The following LAMA4 variants were observed in gnomAD, a reference collection of about 807,000 sequenced individuals.
LAMA4 encodes the protein laminin subunit alpha 4, also known as laminin subunit alpha-4.
Under a neutral mutation model 207.1 loss-of-function variants are expected in LAMA4, and 127 were observed. The observed-to-expected ratio is 0.61, with a 90% CI of 0.53 to 0.71. The LOEUF (loss-of-function observed/expected upper bound fraction) is 0.71, where lower values mean the gene tolerates loss of function less well. LAMA4 is among the 30% of genes least tolerant of loss of function. The probability of loss-of-function intolerance (pLI) is 0.00; values close to 1 mark genes in which losing one functional copy is unlikely to be tolerated. For missense variants in LAMA4, 2,093 were observed against 2,246.5 expected, an observed-to-expected ratio of 0.93 and a Z score of 1.38; for synonymous variants, 761 against 816.0, an observed-to-expected ratio of 0.93 and a Z score of 1.15.
At chr6:112,204,032 T>G (rs1783913218) in intron 4 of LAMA4, among the ~76,000 whole-genome samples, 2 of 152,196 alleles carry the variant, frequency 1.3e-5, no homozygotes, top group African/African-American at 4.8e-5. Flanking sequence ...AACTTTTGAC[T>G]TCATTTCTTA....
At chr6:112,212,556 A>C (rs1218189023) in intron 3 of LAMA4, among the ~76,000 whole-genome samples, 3 of 152,170 alleles carry the variant, frequency 2.0e-5, no homozygotes, top group African/African-American at 7.2e-5. Flanking sequence ...TGATGGGCAC[A>C]CAGCAACAGG....
intron 38 of LAMA4, 143 bp from the exon 39 acceptor site, chr6:112,109,725 C>A: frequency 2.3e-6 from 2 of 867,086 alleles, no homozygotes; most frequent in Non-Finnish European, 3.6e-6. Flanking sequence ...ATAATTGACT[C>A]ATTTCTCAGT....
rs73541494 is a variant in LAMA4 at position 112,117,126 on chromosome 6, C to A, written c.4981+613G>T. Among the ~76,000 whole-genome samples, 8,023 of 152,108 alleles carry A rather than the reference C, an allele frequency of 0.053. 688 individuals are homozygous for A. Among genetic ancestry groups the A allele is most frequent in the African/African-American group, 0.18 (7,551 of 41,448 alleles). On this transcript the variant is annotated intron_variant, in intron 35 of 38. Coordinates refer to ENST00000230538, the MANE Select transcript of LAMA4 (RefSeq NM_001105206.3). This position sits in a 1 kb window ranked among gnomAD's most constrained non-coding sequence, Gnocchi z 4.5. ...ATTCTGGTGTCTTCCTCACACCCAG[C>A]GATTGCTCCATAGAATATTCTTGGA...
intron 9 of LAMA4, among the ~76,000 whole-genome samples, chr6:112,182,530 G>A (rs560527695): frequency 2.0e-5 from 3 of 152,332 alleles, no homozygotes; most frequent in African/African-American, 7.2e-5. Context: ...CCAGAGATGA[G>A]GTTCAGATGC....
At position 112,115,733 on chromosome 6, in the gene LAMA4, A is replaced by G. The variant is rs587745053; in HGVS notation, c.5112+130T>C. On this transcript the variant is annotated intron_variant, in intron 36 of 38. Coordinates refer to ENST00000230538, the MANE Select transcript of LAMA4 (RefSeq NM_001105206.3). Reference sequence around the variant, plus strand: ...CAAATATTGCCCACATTTACATTTCATGTTATAGCTTTCCTATATTTCTTT... The same window carrying G: ...CAAATATTGCCCACATTTACATTTCGTGTTATAGCTTTCCTATATTTCTTT... 4 of 1,014,356 alleles carry G rather than the reference A, an allele frequency of 3.9e-6. No individual in the cohort carries two copies. In the African/African-American group the frequency reaches 6.4e-5, roughly 16 times the overall value. The allele number at this position is 1,014,356 out of a possible 1,614,324, so 62.8% of individuals were successfully genotyped here. A position where few individuals can be genotyped will look rare whatever the true frequency, so the allele number is the denominator to read the frequency against.
chr6:112,218,595 G>A (rs782711482), intron 2 of LAMA4: 1 of 152,202 alleles, frequency 6.6e-6, no homozygotes, highest in Non-Finnish European at 1.5e-5. Context: ...TTTGTCAACA[G>A]TCCAGCAGCC....
intron 2 of LAMA4, chr6:112,236,743 T>C (rs1185419164): frequency 2.0e-5 from 3 of 152,176 alleles, no homozygotes; most frequent in Non-Finnish European, 2.9e-5. Context: ...CATGGAAAAC[T>C]AAAGTTTTTG....
intron 2 of LAMA4, among the ~76,000 whole-genome samples, chr6:112,249,230 G>A (rs1393251048): frequency 1.3e-5 from 2 of 151,944 alleles, no homozygotes; most frequent in Admixed American, 1.3e-4. Context: ...GGATCATAAG[G>A]TCAGGTGATA....
intron 13 of LAMA4, among the ~76,000 whole-genome samples, chr6:112,159,715 C>T (rs1252545290): frequency 1.3e-5 from 2 of 152,218 alleles, no homozygotes; most frequent in African/African-American, 4.8e-5. Context: ...GGGGACACTT[C>T]TTCCACACTT....
At chr6:112,167,174 A>G (rs1781429195) in intron 12 of LAMA4, among the ~76,000 whole-genome samples, 2 of 152,232 alleles carry the variant, frequency 1.3e-5, no homozygotes, top group African/African-American at 4.8e-5. Context: ...TTTGTATGAT[A>G]ACTGAAATTT....
At chr6:112,149,355 T>C (rs1015847265) in intron 17 of LAMA4, among the ~76,000 whole-genome samples, 4 of 151,936 alleles carry the variant, frequency 2.6e-5, no homozygotes, top group African/African-American at 4.8e-5. Context: ...ATTAATATGG[T>C]TGGCTGTGTT....
At chr6:112,122,326 A>C in intron 31 of LAMA4, 125 bp from the exon 32 acceptor site, 6 of 732,554 alleles carry the variant, frequency 8.2e-6, no homozygotes. Flanking sequence ...CATTCATGGA[A>C]CATTAGGTCC....
At position 112,139,285 on chromosome 6, in the gene LAMA4, C is replaced by T. The variant is rs145156072; in HGVS notation, c.3117G>A (p.Lys1039=). 2.7e-5 allele frequency: 43 copies of T among 1,614,170 alleles called. No homozygotes were observed. Among genetic ancestry groups the T allele is most frequent in the Admixed American group, 6.7e-5 (4 of 60,028 alleles). ...PSTSVPCARD[K]LAFTQSRAAS... Reference sequence around the variant, plus strand: ...CAGCCCGACTCTGAGTGAAGGCCAGCTTATCTCTGAAATGGAAACACAACG... The same window carrying T: ...CAGCCCGACTCTGAGTGAAGGCCAGTTTATCTCTGAAATGGAAACACAACG... The change falls in exon 24 of 39, where the codon AAG becomes AAA. Residue 1039 remains lysine, a synonymous_variant. Transcript: ENST00000230538.
rs41414349 is a variant in LAMA4 at position 112,121,185 on chromosome 6, A to G, written c.4476-713T>C. Among the ~76,000 whole-genome samples, 471 of 152,304 alleles carry G rather than the reference A, an allele frequency of 3.1e-3. 13 individuals carry two copies. In the East Asian group the frequency reaches 0.075, roughly 24 times the overall value. ...AAATAATATCAGTTGTGCACTATCT[A>G]AAACACAGACTAAAATTTTTTCCCA... On this transcript the variant is annotated intron_variant, in intron 32 of 38. Coordinates refer to ENST00000230538, the MANE Select transcript of LAMA4 (RefSeq NM_001105206.3).
In LAMA4 at chr6:112,141,323, G is replaced by C. The variant is rs1554333156; in HGVS notation, c.2813+35C>G. On this transcript the variant is annotated intron_variant, in intron 21 of 38. Coordinates refer to ENST00000230538, the MANE Select transcript of LAMA4 (RefSeq NM_001105206.3). ...ACGTTCAACAGGTTTCTTGTGATAT[G>C]TGCATATATGCCCTGTGTCATGGAT... 2.5e-6 allele frequency: 4 copies of C among 1,604,506 alleles called. No homozygotes were observed. In the African/African-American group the frequency reaches 5.3e-5, roughly 21 times the overall value.
chr6:112,192,900 A>G (rs1408401288), intron 5 of LAMA4, among the ~76,000 whole-genome samples: 13 of 152,194 alleles, frequency 8.5e-5, no homozygotes, highest in African/African-American at 3.1e-4. Context: ...AGGATGAAGG[A>G]CCTATGTTGC....
intron 8 of LAMA4, chr6:112,186,721 C>T: frequency 2.2e-6 from 1 of 446,768 alleles, no homozygotes; most frequent in South Asian, 1.6e-5. Context: ...ATAGTTGTTA[C>T]ACTGTATTTT....
intron 38 of LAMA4, among the ~76,000 whole-genome samples, chr6:112,111,689 G>T (rs1179776357): frequency 1.3e-5 from 2 of 152,234 alleles, no homozygotes; most frequent in Non-Finnish European, 2.9e-5. Flanking sequence ...AAAAGCTGCA[G>T]TGGTGCAGTG....
At chr6:112,186,980 T>C (rs1554346880) in intron 8 of LAMA4, 5 of 439,416 alleles carry the variant, frequency 1.1e-5, no homozygotes, top group Admixed American at 5.1e-5. Flanking sequence ...AGAGAATGTG[T>C]GTAAATAAGA....
Sources: allele counts gnomAD v4.1 joint callset (sites outside exome capture counted in the v4.1 genomes callset), GRCh38; gene constraint gnomAD v4.1.1; non-coding constraint Gnocchi (gnomAD v3.1); transcripts MANE v1.5; gene names NCBI Gene and HGNC (gene_info 2026-07-23, HGNC 2026-07-21).